Variants in SNX29 observed in about 807,000 individuals in gnomAD.
SNX29 encodes the protein sorting nexin-29.
SNX29 carries 78 observed loss-of-function variants against 102.1 expected under a neutral mutation model. That is an observed-to-expected ratio of 0.76 (90% CI 0.64 to 0.92). The LOEUF is 0.92. Ranked by LOEUF, SNX29 falls within the 40% of genes least tolerant of loss-of-function variation. SNX29 has a pLI of 0.00. For missense variants in SNX29, 1,280 were observed against 1,061.7 expected, an observed-to-expected ratio of 1.21 and a Z score of -2.86; for synonymous variants, 580 against 414.5, an observed-to-expected ratio of 1.40 and a Z score of -4.85.
chr16:12,209,780 A>T (rs2077135598), intron 14 of SNX29, among the ~76,000 whole-genome samples: 1 of 152,154 alleles, frequency 6.6e-6, no homozygotes, highest in Admixed American at 6.5e-5. Context: ...TCTGCACTTA[A>T]GTCAGGCATT....
At chr16:12,504,730 C>T (rs1351587320) in intron 19 of SNX29, among the ~76,000 whole-genome samples, 5 of 152,054 alleles carry the variant, frequency 3.3e-5, no homozygotes, top group Admixed American at 6.6e-5. Flanking sequence ...TCTTACTGTG[C>T]CTTATTTAGA....
intron 20 of SNX29, among the ~76,000 whole-genome samples, chr16:12,539,687 G>T (rs1011359803): frequency 1.3e-5 from 2 of 152,182 alleles, no homozygotes; most frequent in Admixed American, 6.5e-5. Flanking sequence ...CTGCACCCTG[G>T]GCAGCATGTC....
intron 20 of SNX29, among the ~76,000 whole-genome samples, chr16:12,565,812 C>G (rs1205629986): frequency 6.6e-6 from 1 of 152,202 alleles, no homozygotes. Context: ...CAACCCTCAG[C>G]TCACTTCTGG....
intron 18 of SNX29, among the ~76,000 whole-genome samples, chr16:12,416,143 G>A (rs1287899289): frequency 6.6e-6 from 1 of 152,152 alleles, no homozygotes; most frequent in Non-Finnish European, 1.5e-5. Context: ...AACTGGGCAG[G>A]CTGTGCTCTG....
At chr16:12,543,656 C>G (rs529671175) in intron 20 of SNX29, among the ~76,000 whole-genome samples, 1 of 152,228 alleles carries the variant, frequency 6.6e-6, no homozygotes, top group African/African-American at 2.4e-5. Flanking sequence ...TGTCTCCAGA[C>G]GCTCTTCCAG....
intron 18 of SNX29, among the ~76,000 whole-genome samples, chr16:12,454,192 T>A (rs558938620): frequency 6.6e-6 from 1 of 152,250 alleles, no homozygotes; most frequent in South Asian, 2.1e-4. Flanking sequence ...TGAGATATGA[T>A]AGGTGGAACT....
chr16:12,535,322 A>AGAGAT (rs1406858976), intron 20 of SNX29, among the ~76,000 whole-genome samples: 1 of 152,144 alleles, frequency 6.6e-6, no homozygotes, highest in South Asian at 2.1e-4. Context: ...TATTTTTAGT[A>AGAGAT]GAGATGAGGT....
chr16:12,366,581 G>T (rs1292662405), intron 16 of SNX29, among the ~76,000 whole-genome samples: 1 of 152,128 alleles, frequency 6.6e-6, no homozygotes, highest in Non-Finnish European at 1.5e-5. Context: ...GGTCCAACTG[G>T]CCTCCCACCC....
At chr16:12,353,328 C>T (rs558506743) in intron 15 of SNX29, among the ~76,000 whole-genome samples, 16 of 152,324 alleles carry the variant, frequency 1.1e-4, no homozygotes, top group African/African-American at 3.6e-4. Context: ...CCACTTCCTC[C>T]ATGTCTCCTG....
chr16:12,419,245 G>C (rs764057461), intron 18 of SNX29, among the ~76,000 whole-genome samples: 15 of 152,152 alleles, frequency 9.9e-5, no homozygotes, highest in Non-Finnish European at 2.1e-4. Flanking sequence ...GGTTGAATCT[G>C]TGCCTGCCCA....
Position 12,568,567 on chromosome 16 carries a change from A to T in SNX29, c.2380A>T (p.Lys794Ter), listed in dbSNP as rs751493699. 5.0e-6 allele frequency: 8 copies of T among 1,608,208 alleles called. No homozygotes were observed. Among genetic ancestry groups the T allele is most frequent in the Non-Finnish European group, 6.8e-6 (8 of 1,179,822 alleles). The change falls in exon 21 of 21, where the codon AAA (lysine) becomes TAA (stop). Residue 794 changes from lysine (K) to a stop codon, truncating the protein, a stop_gained. Coordinates refer to ENST00000566228, the MANE Select transcript of SNX29 (RefSeq NM_032167.5). LOFTEE classifies it high-confidence loss of function. ...GCCCAAAGCAGCTTCCCGCTTCCCC[A>T]AACTGTCCCGGGGTCAGCCCCGGGA... ...SRPKAASRFP[K>*]LSRGQPRETR...
At chr16:12,239,976 T>C (rs1293325328) in intron 14 of SNX29, among the ~76,000 whole-genome samples, 2 of 152,222 alleles carry the variant, frequency 1.3e-5, no homozygotes, top group Non-Finnish European at 1.5e-5. Flanking sequence ...TTTTTATTTG[T>C]ATTTAGAGTG....
At chr16:12,195,167 G>A (rs2141932752) in intron 13 of SNX29, among the ~76,000 whole-genome samples, 2 of 152,286 alleles carry the variant, frequency 1.3e-5, no homozygotes, top group South Asian at 4.1e-4. Flanking sequence ...ATATATGTGT[G>A]TGTGTGTATA....
chr16:12,395,457 G>A (rs2083684778), intron 16 of SNX29, among the ~76,000 whole-genome samples: 1 of 152,248 alleles, frequency 6.6e-6, no homozygotes, highest in African/African-American at 2.4e-5. Context: ...CACCGAGGGT[G>A]TTTGCTCCAG....
At chr16:12,566,105 C>CA (rs1316981299) in intron 20 of SNX29, among the ~76,000 whole-genome samples, 1 of 152,230 alleles carries the variant, frequency 6.6e-6, no homozygotes, top group African/African-American at 2.4e-5. Flanking sequence ...AAAACCACCC[C>CA]ACCTTTATTC....
At chr16:12,118,405 C>T (rs899461151) in intron 11 of SNX29, among the ~76,000 whole-genome samples, 1 of 147,588 alleles carries the variant, frequency 6.8e-6, no homozygotes, top group African/African-American at 2.5e-5. Flanking sequence ...ACTGCAACCT[C>T]CGTCTCCTGG....
intron 20 of SNX29, among the ~76,000 whole-genome samples, chr16:12,538,281 A>C (rs149520579): frequency 5.3e-5 from 8 of 152,118 alleles, no homozygotes; most frequent in South Asian, 2.1e-4. Context: ...ACACCTGGCT[A>C]ATTTTGTATT....
chr16:12,391,593 CTG>C (rs1256699092), intron 16 of SNX29, among the ~76,000 whole-genome samples: 1 of 152,192 alleles, frequency 6.6e-6, no homozygotes, highest in Non-Finnish European at 1.5e-5. Context: ...ACTTTATCAT[CTG>C]TTTTTTTATC....
intron 13 of SNX29, among the ~76,000 whole-genome samples, chr16:12,164,554 C>A (rs991507971): frequency 1.3e-5 from 2 of 152,176 alleles, no homozygotes; most frequent in Non-Finnish European, 1.5e-5. Context: ...CTTGAAACTT[C>A]TCACTTTGAA....
Sources: gnomAD v4.1 joint callset for allele counts (sites outside exome capture counted in the v4.1 genomes callset) on GRCh38, gnomAD v4.1.1 for gene constraint, MANE v1.5 for transcripts, NCBI Gene and HGNC (gene_info 2026-07-23, HGNC 2026-07-21) for gene names.